Variants in SOX5 observed in about 807,000 individuals in gnomAD.
SOX5 encodes the protein transcription factor SOX-5.
In SOX5, 9 loss-of-function variants were observed where a neutral mutation model predicts 92.0. The ratio of observed to expected loss-of-function variants is 0.10; its 90% CI spans 0.06 to 0.17. The LOEUF (loss-of-function observed/expected upper bound fraction) is 0.17. SOX5 is among the 10% of genes least tolerant of loss of function. The probability of loss-of-function intolerance (pLI) is 1.00; values close to 1 mark genes in which losing one functional copy is unlikely to be tolerated. For synonymous variants in SOX5, 344 were observed against 336.3 expected, an observed-to-expected ratio of 1.02 and a Z score of -0.25; for missense variants, 642 against 944.5, an observed-to-expected ratio of 0.68 and a Z score of 4.20.
At chr12:23,616,536 C>T (rs117119815) in intron 8 of SOX5, among the ~76,000 whole-genome samples, 1 of 152,290 alleles carries the variant, frequency 6.6e-6, no homozygotes, top group Non-Finnish European at 1.5e-5. Context: ...GGAGGAGCAA[C>T]TTCACATACA....
At chr12:23,882,293 C>G (rs1407560869) in intron 2 of SOX5, among the ~76,000 whole-genome samples, 1 of 151,638 alleles carries the variant, frequency 6.6e-6, no homozygotes, top group African/African-American at 2.4e-5. Flanking sequence ...AGGACTGAAT[C>G]TTTCACAGTA....
intron 6 of SOX5, among the ~76,000 whole-genome samples, chr12:23,731,610 T>C (rs984181373): frequency 6.6e-6 from 1 of 152,180 alleles, no homozygotes; most frequent in Non-Finnish European, 1.5e-5. Context: ...GAGCAAAATG[T>C]AGGAAAATAT....
intron 1 of SOX5, among the ~76,000 whole-genome samples, chr12:24,380,884 T>C (rs1957755916): frequency 6.6e-6 from 1 of 152,228 alleles, no homozygotes. Context: ...CTAACTGTAT[T>C]CTGCAACAGT....
chr12:24,356,676 CCAG>C (rs1211167601), intron 2 of SOX5, among the ~76,000 whole-genome samples: 5 of 152,114 alleles, frequency 3.3e-5, no homozygotes, highest in Admixed American at 3.3e-4. Flanking sequence ...TCAGTTCCTA[CCAG>C]AAGAATATGC....
At chr12:23,932,289 A>G (rs1385072086) in intron 1 of SOX5, among the ~76,000 whole-genome samples, 1 of 151,670 alleles carries the variant, frequency 6.6e-6, no homozygotes, top group African/African-American at 2.4e-5. Context: ...GTCAATGTCA[A>G]TGTCAAGGCA....
At chr12:24,399,756 C>A (rs1961060312) in intron 1 of SOX5, among the ~76,000 whole-genome samples, 2 of 152,154 alleles carry the variant, frequency 1.3e-5, no homozygotes, top group African/African-American at 4.8e-5. Context: ...AATGCGGAAA[C>A]AATTCCAAAA....
At chr12:23,791,422 ACCCGGAGTAGCTG>A (rs906915687) in intron 3 of SOX5, among the ~76,000 whole-genome samples, 1 of 152,156 alleles carries the variant, frequency 6.6e-6, no homozygotes, top group Non-Finnish European at 1.5e-5. Flanking sequence ...CTGCCTCAGC[ACCCGGAGTAGCTG>A]CATAAGCATG....
intron 3 of SOX5, among the ~76,000 whole-genome samples, chr12:23,832,807 A>AC (rs765240953): frequency 6.6e-6 from 1 of 151,692 alleles, no homozygotes; most frequent in Non-Finnish European, 1.5e-5. Flanking sequence ...AAAAAAAAAA[A>AC]CCCTTACTTT....
At chr12:24,234,696 T>C (rs759737353) in intron 3 of SOX5, among the ~76,000 whole-genome samples, 9 of 152,168 alleles carry the variant, frequency 5.9e-5, no homozygotes, top group Non-Finnish European at 1.2e-4. Flanking sequence ...ATAACACCTT[T>C]TGATGGCTTA....
intron 1 of SOX5, among the ~76,000 whole-genome samples, chr12:23,938,409 G>C (rs577284836): frequency 6.6e-6 from 1 of 150,898 alleles, no homozygotes; most frequent in African/African-American, 2.4e-5. Flanking sequence ...ACACATAATT[G>C]TGTCAAGTTA....
At chr12:23,653,030 AGATGGATGGATG>A (rs377588371) in intron 7 of SOX5, among the ~76,000 whole-genome samples, 9 of 115,866 alleles carry the variant, frequency 7.8e-5, no homozygotes, top group East Asian at 2.4e-4. Flanking sequence ...ATGTACAGAT[AGATGGATGGATG>A]GATGGATGGA....
intron 7 of SOX5, among the ~76,000 whole-genome samples, chr12:23,659,857 C>T (rs2082800993): frequency 6.6e-6 from 1 of 152,068 alleles, no homozygotes; most frequent in African/African-American, 2.4e-5. Flanking sequence ...GTCCCAGCTA[C>T]TTGGGAGGCT....
chr12:23,937,443 C>G (rs1032975978), intron 1 of SOX5, among the ~76,000 whole-genome samples: 2 of 150,882 alleles, frequency 1.3e-5, no homozygotes, highest in South Asian at 2.1e-4. Flanking sequence ...AGTGATGAAA[C>G]AGTACTGCTC....
intron 4 of SOX5, among the ~76,000 whole-genome samples, chr12:24,171,249 A>T (rs1435203631): frequency 9.1e-6 from 1 of 110,366 alleles, no homozygotes; most frequent in Non-Finnish European, 1.7e-5. Flanking sequence ...TTGGAGACAG[A>T]GTCTCGCTCT....
At chr12:24,280,761 G>C (rs1031984220) in intron 2 of SOX5, among the ~76,000 whole-genome samples, 2 of 151,604 alleles carry the variant, frequency 1.3e-5, no homozygotes, top group African/African-American at 4.8e-5. Flanking sequence ...TATGTTTACA[G>C]AACATTCTCC....
At chr12:24,132,127 C>T (rs548393169) in intron 4 of SOX5, among the ~76,000 whole-genome samples, 4 of 152,254 alleles carry the variant, frequency 2.6e-5, no homozygotes, top group African/African-American at 4.8e-5. Context: ...ACTTCAGTTA[C>T]ATTCAACAAA....
intron 12 of SOX5, among the ~76,000 whole-genome samples, chr12:23,543,715 C>T (rs546407407): frequency 6.6e-6 from 1 of 152,142 alleles, no homozygotes. Flanking sequence ...ATTAAATCAA[C>T]AGGCATACCA....
intron 4 of SOX5, among the ~76,000 whole-genome samples, chr12:23,961,879 T>G (rs985232075): frequency 6.6e-6 from 1 of 152,164 alleles, no homozygotes; most frequent in African/African-American, 2.4e-5. Context: ...CTTTCAACAT[T>G]ACATGTAAGT....
At chr12:23,614,063 C>T (rs2076273048) in intron 8 of SOX5, among the ~76,000 whole-genome samples, 1 of 152,228 alleles carries the variant, frequency 6.6e-6, no homozygotes, top group African/African-American at 2.4e-5. Flanking sequence ...CAAGGAATCG[C>T]TTCTGTCCTA....
Sources: allele counts gnomAD v4.1 joint callset (sites outside exome capture counted in the v4.1 genomes callset), GRCh38; gene constraint gnomAD v4.1.1; transcripts MANE v1.5; gene names NCBI Gene and HGNC (gene_info 2026-07-23, HGNC 2026-07-21).